Variants in FSTL4 observed in about 807,000 individuals in gnomAD.
FSTL4 encodes follistatin like 4.
In FSTL4, 28 loss-of-function variants were observed where a neutral mutation model predicts 78.2. The observed-to-expected ratio is 0.36, with a 90% CI of 0.27 to 0.49. The LOEUF is 0.49. FSTL4 is among the 20% of genes least tolerant of loss of function. The pLI, the probability that FSTL4 is intolerant of heterozygous loss-of-function variation, is 0.98. For missense variants in FSTL4, 922 were observed against 1,084.9 expected, an observed-to-expected ratio of 0.85 and a Z score of 2.11; for synonymous variants, 422 against 440.5, an observed-to-expected ratio of 0.96 and a Z score of 0.53.
intron 3 of FSTL4, among the ~76,000 whole-genome samples, chr5:133,460,149 T>C (rs1204355772): frequency 2.0e-5 from 3 of 152,250 alleles, no homozygotes; most frequent in African/African-American, 7.2e-5. Flanking sequence ...TCAGGCCCTA[T>C]GCTCAGGCCC....
intron 3 of FSTL4, among the ~76,000 whole-genome samples, chr5:133,466,458 C>T (rs1416397908): frequency 2.0e-5 from 3 of 151,878 alleles, no homozygotes; most frequent in East Asian, 3.9e-4. Context: ...AGGAGAATGG[C>T]GTGAACCCAG....
At chr5:133,567,157 T>C in intron 3 of FSTL4, 29 bp downstream of exon 3, 1 of 1,518,586 alleles carries the variant, frequency 6.6e-7, no homozygotes. Flanking sequence ...ACACTGAAAA[T>C]AAAATGGGTA....
intron 7 of FSTL4, among the ~76,000 whole-genome samples, chr5:133,235,039 C>T (rs1277523828): frequency 2.0e-5 from 3 of 152,096 alleles, no homozygotes; most frequent in African/African-American, 4.8e-5. Context: ...GAGAGAAGGC[C>T]GTGGTGGCAT....
the FSTL4 span, among the ~76,000 whole-genome samples, chr5:133,780,537 T>C: frequency 6.6e-6 from 1 of 152,190 alleles, no homozygotes; most frequent in Non-Finnish European, 1.5e-5. Flanking sequence ...GGTGGGGACC[T>C]GGCCTGGCTT....
At chr5:133,771,295 TG>T in the FSTL4 span, among the ~76,000 whole-genome samples, 1 of 152,144 alleles carries the variant, frequency 6.6e-6, no homozygotes, top group Non-Finnish European at 1.5e-5. Context: ...ATTGAGTCGG[TG>T]GATTGCTTTG....
the FSTL4 span, among the ~76,000 whole-genome samples, chr5:133,740,384 T>C: frequency 2.0e-5 from 3 of 152,118 alleles, no homozygotes; most frequent in African/African-American, 7.2e-5. Flanking sequence ...TGTTAATCCC[T>C]CGATCTTGAT....
intron 4 of FSTL4, among the ~76,000 whole-genome samples, chr5:133,356,557 C>A (rs981631835): frequency 1.3e-5 from 2 of 152,250 alleles, no homozygotes; most frequent in African/African-American, 4.8e-5. Flanking sequence ...TTTCAGGAAA[C>A]CTCTCAGCTT....
the FSTL4 span, among the ~76,000 whole-genome samples, chr5:133,632,703 T>A: frequency 6.6e-6 from 1 of 152,200 alleles, no homozygotes; most frequent in South Asian, 2.1e-4. Flanking sequence ...TGTTTTCTTT[T>A]GAAACAGGGT....
At chr5:133,493,598 G>C (rs2112870469) in intron 3 of FSTL4, among the ~76,000 whole-genome samples, 1 of 152,296 alleles carries the variant, frequency 6.6e-6, no homozygotes, top group Admixed American at 6.5e-5. Context: ...TACACTTGCT[G>C]TCCTGGGATG....
At chr5:133,404,867 C>A (rs1214106363) in intron 3 of FSTL4, among the ~76,000 whole-genome samples, 5 of 152,222 alleles carry the variant, frequency 3.3e-5, no homozygotes, top group Non-Finnish European at 5.9e-5. Flanking sequence ...AATTTTGCTT[C>A]CAAATACTGA....
the FSTL4 span, among the ~76,000 whole-genome samples, chr5:133,623,317 A>G: frequency 6.6e-6 from 1 of 152,118 alleles, no homozygotes; most frequent in Non-Finnish European, 1.5e-5. Context: ...ATATAGACCA[A>G]TGGAATAGAA....
the FSTL4 span, among the ~76,000 whole-genome samples, chr5:133,761,955 C>T: frequency 5.3e-5 from 8 of 151,992 alleles, no homozygotes; most frequent in Non-Finnish European, 7.4e-5. Flanking sequence ...TTAAGGGAGC[C>T]TTTGTGGAAA....
At chr5:133,395,805 CCAG>C (rs1386095511) in intron 4 of FSTL4, among the ~76,000 whole-genome samples, 1 of 152,206 alleles carries the variant, frequency 6.6e-6, no homozygotes, top group African/African-American at 2.4e-5. Context: ...CCCCTCTCCT[CCAG>C]CACCTTCTCT....
chr5:133,402,682 T>C (rs1460793767), intron 3 of FSTL4, among the ~76,000 whole-genome samples: 1 of 152,234 alleles, frequency 6.6e-6, no homozygotes, highest in African/African-American at 2.4e-5. Context: ...AAATCAGTTA[T>C]CGGCAGATTA....
At chr5:133,739,891 C>G in the FSTL4 span, among the ~76,000 whole-genome samples, 1 of 148,768 alleles carries the variant, frequency 6.7e-6, no homozygotes, top group East Asian at 2.0e-4. Flanking sequence ...AACATAAGCT[C>G]TGTCTTTTTT....
At chr5:133,293,726 A>G (rs932453828) in intron 6 of FSTL4, among the ~76,000 whole-genome samples, 5 of 152,192 alleles carry the variant, frequency 3.3e-5, no homozygotes, top group Admixed American at 2.6e-4. Flanking sequence ...GAAGAACCAC[A>G]TCCTGAAGGT....
intron 3 of FSTL4, among the ~76,000 whole-genome samples, chr5:133,429,929 G>A (rs1366606): frequency 0.095 from 14,488 of 152,076 alleles, 2,233 homozygotes; most frequent in African/African-American, 0.33. Flanking sequence ...TCTTGTTTTC[G>A]CATCTCTATT....
chr5:133,499,055 TAAC>T (rs1234874981), intron 3 of FSTL4, among the ~76,000 whole-genome samples: 1 of 150,930 alleles, frequency 6.6e-6, no homozygotes, highest in Non-Finnish European at 1.5e-5. Flanking sequence ...TCTAAATATG[TAAC>T]AACGGATATA....
At chr5:133,635,840 T>C in the FSTL4 span, among the ~76,000 whole-genome samples, 1 of 152,158 alleles carries the variant, frequency 6.6e-6, no homozygotes, top group Non-Finnish European at 1.5e-5. Flanking sequence ...AGTGAAAATA[T>C]CATCACTCCT....
Sources: gnomAD v4.1 joint callset for allele counts (sites outside exome capture counted in the v4.1 genomes callset) on GRCh38, gnomAD v4.1.1 for gene constraint, MANE v1.5 for transcripts, NCBI Gene and HGNC (gene_info 2026-07-23, HGNC 2026-07-21) for gene names.